SPATS2: variants seen among roughly 807,000 people sequenced by gnomAD.
The protein encoded by SPATS2 is spermatogenesis associated serine rich 2, also known as spermatogenesis-associated serine-rich protein 2.
SPATS2 carries 38 observed loss-of-function variants against 63.7 expected under a neutral mutation model. That is an observed-to-expected ratio of 0.60 (90% CI 0.46 to 0.78). SPATS2 has a LOEUF of 0.78. Among genes scored for constraint, SPATS2 ranks in the 30% least tolerant of loss-of-function variants. SPATS2 has a pLI of 0.00. For synonymous variants in SPATS2, 207 were observed against 232.9 expected (o/e 0.89, Z 1.01); for missense variants, 588 against 666.2 (o/e 0.88, Z 1.29).
chr12:49,495,837 TATA>T (rs1234495211), intron 7 of SPATS2, among the ~76,000 whole-genome samples: 1 of 152,210 alleles, frequency 6.6e-6, no homozygotes, highest in Non-Finnish European at 1.5e-5. Context: ...TAGTGAGAAA[TATA>T]ATAATGATAA....
chr12:49,368,668 A>G (rs1943946197), intron 1 of SPATS2, among the ~76,000 whole-genome samples: 1 of 152,190 alleles, frequency 6.6e-6, no homozygotes, highest in African/African-American at 2.4e-5. Flanking sequence ...TCCAGTTTCA[A>G]TTAAGGTGAT....
At chr12:49,399,362 T>C (rs891368296) in intron 2 of SPATS2, among the ~76,000 whole-genome samples, 1 of 152,210 alleles carries the variant, frequency 6.6e-6, no homozygotes, top group Non-Finnish European at 1.5e-5. Context: ...CTATTTCTGA[T>C]TTCATCAGTT....
chr12:49,522,584 T>C (rs1341586203), intron 11 of SPATS2, among the ~76,000 whole-genome samples, 167 bp from the exon 12 acceptor site: 1 of 152,212 alleles, frequency 6.6e-6, no homozygotes, highest in East Asian at 1.9e-4. Context: ...CTTGAGAAAA[T>C]GAATGAATTT....
chr12:49,509,326 G>C (rs1182482033), intron 9 of SPATS2, among the ~76,000 whole-genome samples: 1 of 135,026 alleles, frequency 7.4e-6, no homozygotes, highest in East Asian at 2.2e-4. Flanking sequence ...TGTCACCAAG[G>C]CTGGAGTGCA....
intron 2 of SPATS2, among the ~76,000 whole-genome samples, chr12:49,402,664 A>T (rs1256958212): frequency 1.3e-5 from 2 of 152,188 alleles, no homozygotes; most frequent in Non-Finnish European, 2.9e-5. Context: ...GTGAACCAGG[A>T]ACTAAAGTCT....
chr12:49,410,865 G>A (rs1944786136), intron 2 of SPATS2, among the ~76,000 whole-genome samples: 1 of 151,688 alleles, frequency 6.6e-6, no homozygotes, highest in South Asian at 2.1e-4. Flanking sequence ...GGGAGGGTTA[G>A]GTGCTATCAA....
At chr12:49,462,868 T>C (rs550860998) in intron 3 of SPATS2, 26 of 207,054 alleles carry the variant, frequency 1.3e-4, no homozygotes, top group Non-Finnish European at 2.1e-4. Context: ...GGGGTCTTTA[T>C]AGGCACAGAA....
intron 10 of SPATS2, among the ~76,000 whole-genome samples, chr12:49,516,352 C>T (rs1199471413): frequency 7.6e-6 from 1 of 131,700 alleles, no homozygotes; most frequent in East Asian, 2.0e-4. Flanking sequence ...AGAGCAAGAC[C>T]CTGTCTTGAA....
chr12:49,495,531 C>T (rs1307791435), intron 7 of SPATS2, among the ~76,000 whole-genome samples: 1 of 152,174 alleles, frequency 6.6e-6, no homozygotes, highest in African/African-American at 2.4e-5. Flanking sequence ...TATATTTTAA[C>T]TCTTGTCTAA....
At chr12:49,512,579 T>C (rs747973635) in intron 9 of SPATS2, among the ~76,000 whole-genome samples, 6 of 152,204 alleles carry the variant, frequency 3.9e-5, no homozygotes, top group South Asian at 2.1e-4. Flanking sequence ...CAGAATGTAC[T>C]AGCACAAATT....
intron 2 of SPATS2, among the ~76,000 whole-genome samples, chr12:49,423,194 G>A (rs771405797): frequency 2.0e-5 from 3 of 151,232 alleles, no homozygotes; most frequent in Non-Finnish European, 2.9e-5. Context: ...GTGCAGTGGT[G>A]CGATCTCGGC....
chr12:49,520,672 G>A (rs774373677), intron 11 of SPATS2, among the ~76,000 whole-genome samples: 19 of 151,772 alleles, frequency 1.3e-4, no homozygotes, highest in South Asian at 2.1e-4. Flanking sequence ...TCTTTGAGAT[G>A]TTTGTTATAA....
At chr12:49,383,434 A>G (rs1333787842) in intron 2 of SPATS2, among the ~76,000 whole-genome samples, 1 of 151,804 alleles carries the variant, frequency 6.6e-6, no homozygotes, top group African/African-American at 2.4e-5. Context: ...TTTTTGAGAC[A>G]CGGTTTTGCT....
chr12:49,417,578 G>T (rs746889187), intron 2 of SPATS2, among the ~76,000 whole-genome samples: 4 of 152,182 alleles, frequency 2.6e-5, no homozygotes, highest in Non-Finnish European at 5.9e-5. Context: ...TTTATGATAT[G>T]TGTTTGTAGA....
chr12:49,373,409 C>T (rs756926447), intron 2 of SPATS2, among the ~76,000 whole-genome samples: 1 of 152,214 alleles, frequency 6.6e-6, no homozygotes, highest in Non-Finnish European at 1.5e-5. Flanking sequence ...TGTGAGCCCA[C>T]ACTTACTTTG....
intron 9 of SPATS2, among the ~76,000 whole-genome samples, chr12:49,511,316 A>G (rs1346720273): frequency 6.6e-6 from 1 of 152,240 alleles, no homozygotes; most frequent in Non-Finnish European, 1.5e-5. Flanking sequence ...CTTTAGTAGC[A>G]GGAAGCAGTC....
chr12:49,380,806 T>C (rs2074823197), intron 2 of SPATS2, among the ~76,000 whole-genome samples: 2 of 152,092 alleles, frequency 1.3e-5, no homozygotes, highest in Non-Finnish European at 2.9e-5. Context: ...TCATGTATAG[T>C]ATTTGTTTGA....
At chr12:49,375,141 AGTGTGT>A (rs10601423) in intron 2 of SPATS2, among the ~76,000 whole-genome samples, 14,224 of 123,106 alleles carry the variant, frequency 0.12, 878 homozygotes, top group East Asian at 0.19. Flanking sequence ...CAAGTTGTGG[AGTGTGT>A]GTGTGTGTGT....
At chr12:49,419,972 A>G (rs1944951743) in intron 2 of SPATS2, among the ~76,000 whole-genome samples, 1 of 152,238 alleles carries the variant, frequency 6.6e-6, no homozygotes, top group South Asian at 2.1e-4. Context: ...TTCTTGAGAC[A>G]GTCCTTTATT....
Sources: allele counts gnomAD v4.1 joint callset (sites outside exome capture counted in the v4.1 genomes callset), GRCh38; gene constraint gnomAD v4.1.1; transcripts MANE v1.5; gene names NCBI Gene and HGNC (gene_info 2026-07-23, HGNC 2026-07-21).